The following ATP8B2 variants were observed in gnomAD, a reference collection of about 807,000 sequenced individuals.
The protein encoded by ATP8B2 is ATPase phospholipid transporting 8B2, also known as phospholipid-transporting ATPase ID.
In ATP8B2, 70 loss-of-function variants were observed where a neutral mutation model predicts 133.4. That is an observed-to-expected ratio of 0.52 (90% CI 0.43 to 0.64). ATP8B2 has a LOEUF of 0.64. ATP8B2 is among the 30% of genes least tolerant of loss of function. The pLI, the probability that ATP8B2 is intolerant of heterozygous loss-of-function variation, is 0.00. For synonymous variants in ATP8B2, 517 were observed against 589.5 expected, an observed-to-expected ratio of 0.88 and a Z score of 1.78; for missense variants, 1,101 against 1,535.7, an observed-to-expected ratio of 0.72 and a Z score of 4.73.
At position 154,349,475 on chromosome 1, in the gene ATP8B2, T is replaced by G. The variant is rs1247395506; in HGVS notation, c.*357T>G. On this transcript the variant is annotated 3_prime_UTR_variant, in exon 28 of 28. Transcript: ENST00000368489. ...GGAGACTATAATCTCCTTATTTTTT[T>G]ACTCCTACTCCCCAGAGGGGCCCTA... 3.9e-6 allele frequency: 1 copy of G among 259,230 alleles called. No homozygotes were observed. Among genetic ancestry groups the G allele is most frequent in the Non-Finnish European group, 7.6e-6 (1 of 131,236 alleles). 16.1% of individuals were successfully genotyped at this position (259,230 alleles called of 1,614,324 possible). A position where few individuals can be genotyped will look rare whatever the true frequency, so the allele number is the denominator to read the frequency against.
chr1:154,330,480 CCT>C (rs1290384787), intron 3 of ATP8B2, 26 bp downstream of exon 3: 5 of 1,611,304 alleles, frequency 3.1e-6, no homozygotes, highest in Middle Eastern at 1.7e-4. Flanking sequence ...CCACCTGTTC[CCT>C]CTCTCTGTTT....
rs200445207 is a variant in ATP8B2 at position 154,346,311 on chromosome 1, G to A, written c.2859G>A (p.Glu953=). Residue 953 remains glutamate, a synonymous_variant, in exon 25 of 28, where the codon GAG becomes GAA. Transcript: ENST00000368489. This position sits in a 1 kb window ranked among gnomAD's most constrained non-coding sequence, Gnocchi z 4.5. ...GQLNLLFNKR[E]FFICIAQGIY... ...TGAACCTTCTCTTCAACAAGCGGGA[G>A]TTCTTCATCTGCATCGCCCAGGGCA... The A allele has an allele frequency of 8.1e-6, 13 of 1,613,692 alleles. No individual in the cohort carries two copies. The African/African-American group carries it at 1.6e-4, about 20-fold the overall frequency.
Position 154,343,744 on chromosome 1 carries a change from G to GT in ATP8B2, c.1759-147dup. Reference sequence around the variant, plus strand: ...CTTAACACATCAGCCAGCTCCCATAGTTACCTCTTTTTATGTATGTGGTGA... The same window carrying GT: ...CTTAACACATCAGCCAGCTCCCATAGTTTACCTCTTTTTATGTATGTGGTGA... On this transcript the variant is annotated intron_variant, in intron 17 of 27. Coordinates refer to ENST00000368489, the MANE Select transcript of ATP8B2 (RefSeq NM_001370597.1). The surrounding 1 kb of genome is among the most constrained non-coding windows in gnomAD (Gnocchi z 5.8). The GT allele has an allele frequency of 3.7e-6, 4 of 1,084,092 alleles. No homozygotes were observed. The South Asian group carries it at 6.2e-5, about 17-fold the overall frequency. The allele number at this position is 1,084,092 out of a possible 1,614,324, so 67.2% of individuals were successfully genotyped here. A position where few individuals can be genotyped will look rare whatever the true frequency, so the allele number is the denominator to read the frequency against.
chr1:154,342,583 G>A (rs542826199), intron 14 of ATP8B2, 60 bp downstream of exon 14: 13 of 1,547,438 alleles, frequency 8.4e-6, no homozygotes, highest in African/African-American at 4.1e-5. Context: ...GCCAGTAACA[G>A]TGTAGTCAGG....
intron 9 of ATP8B2, among the ~76,000 whole-genome samples, chr1:154,333,006 G>A (rs1686052057): frequency 6.6e-6 from 1 of 152,142 alleles, no homozygotes. Flanking sequence ...ACCATACAGA[G>A]TGTATAAGAA....
rs764161603 is a variant in ATP8B2 at position 154,345,280 on chromosome 1, C to T, written c.2471-42C>T. ...CTTGGTAGGCTCTAAAGTGTGTGGCCGGTGGCCATCTTCACCCTCTTGTCA... is the reference window on the plus strand; with the variant it reads ...CTTGGTAGGCTCTAAAGTGTGTGGCTGGTGGCCATCTTCACCCTCTTGTCA... On this transcript the variant is annotated intron_variant, in intron 22 of 27. Transcript: ENST00000368489. This position sits in a 1 kb window ranked among gnomAD's most constrained non-coding sequence, Gnocchi z 5.6. 13 of 1,610,316 alleles carry T rather than the reference C, an allele frequency of 8.1e-6. No individual in the cohort carries two copies. The highest frequency in any genetic ancestry group is 1.3e-5 in the African/African-American group (1 of 74,878).
At position 154,345,796 on chromosome 1, in the gene ATP8B2, C is replaced by G; in HGVS notation, c.2695-4C>G. 1 of 1,610,162 alleles carries G rather than the reference C, an allele frequency of 6.2e-7. No individual in the cohort carries two copies. Among genetic ancestry groups the G allele is most frequent in the Non-Finnish European group, 8.5e-7 (1 of 1,176,328 alleles). On this transcript the variant is annotated splice_polypyrimidine_tract_variant and splice_region_variant and intron_variant, in intron 23 of 27. Coordinates refer to ENST00000368489, the MANE Select transcript of ATP8B2 (RefSeq NM_001370597.1). The surrounding 1 kb of genome is among the most constrained non-coding windows in gnomAD (Gnocchi z 5.6). ...ATGCTCCCTTGCTCCCTGTTCTCTT[C>G]CAGACCGTCTATGACCAGTATTTCA...
chr1:154,330,600 C>T (rs898997644), intron 3 of ATP8B2, 146 bp downstream of exon 3: 18 of 874,870 alleles, frequency 2.1e-5, no homozygotes, highest in South Asian at 3.3e-5. Flanking sequence ...CATCTGCTAT[C>T]GTGCTGAATT....
At chr1:154,338,513 A>C (rs1033195075) in intron 12 of ATP8B2, among the ~76,000 whole-genome samples, 1 of 152,078 alleles carries the variant, frequency 6.6e-6, no homozygotes, top group African/African-American at 2.4e-5. Flanking sequence ...TACAAAAATT[A>C]GCCAGGTGTG....
At position 154,337,726 on chromosome 1, in the gene ATP8B2, G is replaced by C. The variant is rs751904905; in HGVS notation, c.1034+182G>C. Reference sequence around the variant, plus strand: ...AGCAAACTTTTTACCACAGTTTCCTGGTACTTGGGACTGTATTAGAGAAAA... The same window carrying C: ...AGCAAACTTTTTACCACAGTTTCCTCGTACTTGGGACTGTATTAGAGAAAA... On this transcript the variant is annotated intron_variant, in intron 12 of 27. Coordinates refer to ENST00000368489, the MANE Select transcript of ATP8B2 (RefSeq NM_001370597.1). The C allele has an allele frequency of 1.2e-5, 18 of 1,541,804 alleles. 1 individual carries two copies. In the South Asian group the frequency reaches 2.3e-4, roughly 20 times the overall value.
chr1:154,327,225 A>G (rs529318831), intron 1 of ATP8B2, among the ~76,000 whole-genome samples: 1 of 152,268 alleles, frequency 6.6e-6, no homozygotes, highest in Admixed American at 6.5e-5. Flanking sequence ...AAGGCCTTCC[A>G]CCCAGACAAG....
intron 2 of ATP8B2, among the ~76,000 whole-genome samples, chr1:154,329,486 C>T (rs1685910243): frequency 6.6e-6 from 1 of 152,000 alleles, no homozygotes; most frequent in Non-Finnish European, 1.5e-5. Flanking sequence ...CATGGTGACC[C>T]CCGGGGAGAC....
chr1:154,333,488 A>C (rs1686072425), intron 9 of ATP8B2, among the ~76,000 whole-genome samples: 2 of 144,532 alleles, frequency 1.4e-5, no homozygotes, highest in African/African-American at 5.3e-5. Flanking sequence ...TGGGCAACAC[A>C]GTGAGACACT....
rs149862972 is a variant in ATP8B2 at position 154,342,958 on chromosome 1, G to A, written c.1450G>A (p.Glu484Lys). 4.8e-5 allele frequency: 77 copies of A among 1,613,776 alleles called. No homozygotes were observed. The highest frequency in any genetic ancestry group is 6.4e-5 in the Non-Finnish European group (75 of 1,179,904). Residue 484 changes from glutamate (E) to lysine (K), a missense_variant, in exon 15 of 28, where the codon GAA becomes AAA. Transcript: ENST00000368489. Reference sequence around the variant, plus strand: ...TACTGTCATGTCAGAAGAAAAGAACGAAGGTGGGCCGAGGAGCCGGCTCGC... The same window carrying A: ...TACTGTCATGTCAGAAGAAAAGAACAAAGGTGGGCCGAGGAGCCGGCTCGC... ...CHTVMSEEKNEGELYYKAQSP... is the reference protein window; with the variant it reads ...CHTVMSEEKNKGELYYKAQSP...
rs1364727206 is a variant in ATP8B2 at position 154,344,315 on chromosome 1, T to C, written c.2035+61T>C. ...ACAGTAGCCCTGTTGGACCCTTGCA[T>C]GGAGCCGAGGACATCAGGCAGGCAA... On this transcript the variant is annotated intron_variant, in intron 19 of 27. Coordinates refer to ENST00000368489, the MANE Select transcript of ATP8B2 (RefSeq NM_001370597.1). This position sits in a 1 kb window ranked among gnomAD's most constrained non-coding sequence, Gnocchi z 4.1. 6.8e-6 allele frequency: 11 copies of C among 1,614,026 alleles called. No individual in the cohort carries two copies. Among genetic ancestry groups the C allele is most frequent in the Non-Finnish European group, 9.3e-6 (11 of 1,180,012 alleles).
intron 11 of ATP8B2, among the ~76,000 whole-genome samples, chr1:154,335,079 C>T (rs1052689766): frequency 1.3e-5 from 2 of 152,194 alleles, no homozygotes; most frequent in African/African-American, 4.8e-5. Context: ...CCTTGTTGGG[C>T]TCTCCTCCCC....
chr1:154,332,981 T>C (rs1320536481), intron 9 of ATP8B2, among the ~76,000 whole-genome samples: 5 of 152,144 alleles, frequency 3.3e-5, no homozygotes, highest in African/African-American at 2.4e-5. Flanking sequence ...ATAATATGTG[T>C]TCCTTATAAG....
chr1:154,328,749 A>C lies in ATP8B2; in HGVS notation c.31+577A>C. On this transcript the variant is annotated intron_variant, in intron 2 of 27. Coordinates refer to ENST00000368489, the MANE Select transcript of ATP8B2 (RefSeq NM_001370597.1). The surrounding 1 kb of genome is among the most constrained non-coding windows in gnomAD (Gnocchi z 4.6). ...CGGCGTGTCCGGGGCCACTCAGCGCACGCTGGCATCCGCCGGGGGGCATGG... is the reference window on the plus strand; with the variant it reads ...CGGCGTGTCCGGGGCCACTCAGCGCCCGCTGGCATCCGCCGGGGGGCATGG... 2 of 983,034 alleles carry C rather than the reference A, an allele frequency of 2.0e-6. No individual in the cohort carries two copies. Among genetic ancestry groups the C allele is most frequent in the Non-Finnish European group, 2.4e-6 (2 of 825,884 alleles). 60.9% of individuals were successfully genotyped at this position (983,034 alleles called of 1,614,324 possible). A position where few individuals can be genotyped will look rare whatever the true frequency, so the allele number is the denominator to read the frequency against.
chr1:154,334,714 C>G lies in ATP8B2; in HGVS notation c.837+123C>G. On this transcript the variant is annotated intron_variant, in intron 11 of 27. Transcript: ENST00000368489. The surrounding 1 kb of genome is among the most constrained non-coding windows in gnomAD (Gnocchi z 4.6). ...TTTGGCTTTAAAGCTGCTAGCAGGT[C>G]AGCTACACAAAGGCAGTGTTTATTT... 1.4e-6 allele frequency: 1 copy of G among 733,754 alleles called. No individual in the cohort carries two copies. Among genetic ancestry groups the G allele is most frequent in the East Asian group, 2.8e-5 (1 of 35,612 alleles). 45.5% of individuals were successfully genotyped at this position (733,754 alleles called of 1,614,324 possible). A position where few individuals can be genotyped will look rare whatever the true frequency, so the allele number is the denominator to read the frequency against.
Sources: gnomAD v4.1 joint callset for allele counts (sites outside exome capture counted in the v4.1 genomes callset) on GRCh38, gnomAD v4.1.1 for gene constraint, Gnocchi (gnomAD v3.1) non-coding constraint, MANE v1.5 for transcripts, NCBI Gene and HGNC (gene_info 2026-07-23, HGNC 2026-07-21) for gene names.